The following PLBD2 variants were observed in gnomAD, a reference collection of about 807,000 sequenced individuals.
PLBD2 encodes the protein putative aminopeptidase PLBD2.
A neutral mutation model predicts 68.3 loss-of-function variants in PLBD2; 51 were observed. The ratio of observed to expected loss-of-function variants is 0.75; its 90% confidence interval spans 0.60 to 0.94. The LOEUF (loss-of-function observed/expected upper bound fraction) is 0.94, where lower values mean the gene tolerates loss of function less well. Among genes scored for constraint, PLBD2 ranks in the 40% least tolerant of loss-of-function variants. The pLI, the probability that PLBD2 is intolerant of heterozygous loss-of-function variation, is 0.00. For missense variants in PLBD2, 729 were observed against 792.2 expected (o/e 0.92, Z 0.96); for synonymous variants, 314 against 339.3 (o/e 0.93, Z 0.82).
chr12:113,372,484 G>A lies in PLBD2; in HGVS notation c.385-165G>A, dbSNP rs1957397727. Among the ~76,000 whole-genome samples, 1 of 152,122 alleles carries A rather than the reference G, an allele frequency of 6.6e-6. No individual in the cohort carries two copies. The highest frequency in any genetic ancestry group is 1.5e-5 in the Non-Finnish European group (1 of 68,026). ...CAGGGGCCTGGGGTCCCTATCCGGGGCAGAGCTGGGCAGGGAGAGGAGCCT... is the reference window on the plus strand; with the variant it reads ...CAGGGGCCTGGGGTCCCTATCCGGGACAGAGCTGGGCAGGGAGAGGAGCCT... On this transcript the variant is annotated intron_variant, in intron 2 of 11. Transcript: ENST00000280800. This position sits in a 1 kb window ranked among gnomAD's most constrained non-coding sequence, Gnocchi z 4.2.
At chr12:113,382,873 T>TG (rs1565864050) in intron 6 of PLBD2, among the ~76,000 whole-genome samples, 1 of 135,994 alleles carries the variant, frequency 7.4e-6, no homozygotes, top group Non-Finnish European at 1.6e-5. Context: ...GTGTGTTTTT[T>TG]TTTTTTTTTT....
intron 5 of PLBD2, among the ~76,000 whole-genome samples, chr12:113,379,096 G>T (rs1177293053): frequency 6.6e-6 from 1 of 152,076 alleles, no homozygotes; most frequent in Non-Finnish European, 1.5e-5. Context: ...ATCACTTGAG[G>T]TCAGAGTTCG....
At chr12:113,362,605 A>G (rs948009714) in intron 1 of PLBD2, among the ~76,000 whole-genome samples, 1 of 151,970 alleles carries the variant, frequency 6.6e-6, no homozygotes, top group African/African-American at 2.4e-5. Context: ...GAAAAAAAAA[A>G]AAAGATTGAG....
Position 113,388,618 on chromosome 12 carries a change from T to A in PLBD2, c.1762T>A (p.Trp588Arg), listed in dbSNP as rs1239570976. 3.1e-6 allele frequency: 5 copies of A among 1,588,380 alleles called. No homozygotes were observed. The highest frequency in any genetic ancestry group is 4.3e-6 in the Non-Finnish European group (5 of 1,165,518). The stretch of plus-strand genomic sequence containing the variant: ...GAAGTTCGCGCCTGTCAAGGTTTCA[T>A]GGGACTGAAGTTCTGTCCCTGCTCT... ...LWKFAPVKVS[W>R]D is the part of the protein sequence containing the mutation. Residue 588 changes from tryptophan to arginine, a missense_variant, in exon 12 of 12, where the codon TGG (tryptophan) becomes AGG (arginine). Physicochemically the swap from Trp to Arg is moderately radical, Grantham distance 101 (BLOSUM62 -3). Transcript: ENST00000280800.
rs771568695 is a variant in PLBD2, at chr12:113,388,605, T to G, written c.1749T>G (p.Pro583=). Residue 583 remains proline, a synonymous_variant, in exon 12 of 12, where the codon CCT becomes CCG. Coordinates refer to ENST00000280800, the MANE Select transcript of PLBD2 (RefSeq NM_173542.4). ...MGQPDLWKFA[P]VKVSWD is the part of the protein sequence containing the mutation. ...AGCCAGACCTCTGGAAGTTCGCGCC[T>G]GTCAAGGTTTCATGGGACTGAAGTT... 6.3e-7 allele frequency: 1 copy of G among 1,593,098 alleles called. No homozygotes were observed. Among genetic ancestry groups the G allele is most frequent in the Non-Finnish European group, 8.6e-7 (1 of 1,168,308 alleles).
rs1957532067 is a variant in PLBD2 at position 113,384,703 on chromosome 12, A to G, written c.1119-148A>G. 3 of 644,584 alleles carry G rather than the reference A, an allele frequency of 4.7e-6. No homozygotes were observed. Among genetic ancestry groups the G allele is most frequent in the African/African-American group, 3.6e-5 (2 of 55,768 alleles). 39.9% of individuals were successfully genotyped at this position (644,584 alleles called of 1,614,324 possible). ...GAGAGGGGTTTGTGGATACCTGGTC[A>G]TGCTGCAGCGTCAGGGTGTCAGTTG... is the stretch of plus-strand genomic sequence containing the variant. On this transcript the variant is annotated intron_variant, in intron 7 of 11. Coordinates refer to ENST00000280800, the MANE Select transcript of PLBD2 (RefSeq NM_173542.4). This position sits in a 1 kb window ranked among gnomAD's most constrained non-coding sequence, Gnocchi z 4.2.
intron 5 of PLBD2, among the ~76,000 whole-genome samples, chr12:113,377,266 T>C (rs1957444561): frequency 6.6e-6 from 1 of 152,184 alleles, no homozygotes; most frequent in Admixed American, 6.5e-5. Flanking sequence ...TCGTATACAC[T>C]GTAAGTGTAC....
chr12:113,382,875 T>G lies in PLBD2; in HGVS notation c.958-1230T>G, dbSNP rs868514203. Among the ~76,000 whole-genome samples the G allele has an allele frequency of 9.1e-3, 1,239 of 135,442 alleles. 12 individuals carry two copies. Among genetic ancestry groups the G allele is most frequent in the African/African-American group, 0.031 (1,097 of 35,188 alleles). 88.9% of individuals were successfully genotyped at this position (135,442 alleles called of 152,430 possible). A position where few individuals can be genotyped will look rare whatever the true frequency, so the allele number is the denominator to read the frequency against. Reference sequence around the variant, plus strand: ...TGTGTGTGTGTGTGTGTGTTTTTTTTTTTTTTTTTTTTTTTAGATAGGCTC... The same window carrying G: ...TGTGTGTGTGTGTGTGTGTTTTTTTGTTTTTTTTTTTTTTTAGATAGGCTC... On this transcript the variant is annotated intron_variant, in intron 6 of 11. Transcript: ENST00000280800.
rs1157721458 is a variant in PLBD2 at position 113,384,343 on chromosome 12, G to C, written c.1118+78G>C. 1 of 1,507,842 alleles carries C rather than the reference G, an allele frequency of 6.6e-7. No homozygotes were observed. Among genetic ancestry groups the C allele is most frequent in the Non-Finnish European group, 8.9e-7 (1 of 1,121,018 alleles). The allele number at this position is 1,507,842 out of a possible 1,614,324, so 93.4% of individuals were successfully genotyped here. A position where few individuals can be genotyped will look rare whatever the true frequency, so the allele number is the denominator to read the frequency against. On this transcript the variant is annotated intron_variant, in intron 7 of 11. Coordinates refer to ENST00000280800, the MANE Select transcript of PLBD2 (RefSeq NM_173542.4). The surrounding 1 kb of genome is among the most constrained non-coding windows in gnomAD (Gnocchi z 4.2). ...CTCCCCTTTAACACTCACACTCCTG[G>C]GGACCAGATGTGGCATCCGGGCCAC... is the stretch of plus-strand genomic sequence containing the variant.
chr12:113,361,814 G>A (rs1957299412), intron 1 of PLBD2, among the ~76,000 whole-genome samples: 1 of 152,134 alleles, frequency 6.6e-6, no homozygotes, highest in Non-Finnish European at 1.5e-5. Context: ...ACCTTACTTT[G>A]TCTTCCTTCC....
chr12:113,370,464 TTTC>T (rs1320334642), intron 2 of PLBD2, among the ~76,000 whole-genome samples: 1 of 149,738 alleles, frequency 6.7e-6, no homozygotes, highest in African/African-American at 2.5e-5. Context: ...TAATTTTCTT[TTTC>T]TTTTCTTTTT....
Position 113,380,793 on chromosome 12 carries a change from C to G in PLBD2, c.908C>G (p.Pro303Arg), listed in dbSNP as rs2136918238. 1 of 1,556,882 alleles carries G rather than the reference C, an allele frequency of 6.4e-7. No homozygotes were observed. Among genetic ancestry groups the G allele is most frequent in the South Asian group, 1.2e-5 (1 of 84,398 alleles). ...AACAAGCTGGTCTTCTCCTCCTACC[C>G]CGGCACCATCTTCTCCTGCGACGAC... ...PGNKLVFSSYPGTIFSCDDFY... is the reference protein window; with the variant it reads ...PGNKLVFSSYRGTIFSCDDFY... The change falls in exon 6 of 12, where the codon CCC becomes CGC. Residue 303 changes from proline (P) to arginine (R), a missense_variant. Transcript: ENST00000280800.
intron 5 of PLBD2, among the ~76,000 whole-genome samples, chr12:113,379,553 C>T (rs1331479110): frequency 6.6e-6 from 1 of 152,144 alleles, no homozygotes; most frequent in Non-Finnish European, 1.5e-5. Context: ...GGGTAATGAG[C>T]CTCCAGCATA....
intron 1 of PLBD2, among the ~76,000 whole-genome samples, chr12:113,363,559 G>A (rs1339183945): frequency 1.6e-5 from 2 of 126,384 alleles, no homozygotes; most frequent in African/African-American, 3.0e-5. Context: ...TTTTTTTTGA[G>A]GTGGAGTCTC....
Position 113,372,889 on chromosome 12 carries a change from T to G in PLBD2, c.543+82T>G. 6.6e-7 allele frequency: 1 copy of G among 1,509,028 alleles called. No individual in the cohort carries two copies. Among genetic ancestry groups the G allele is most frequent in the Non-Finnish European group, 8.9e-7 (1 of 1,117,682 alleles). 93.5% of individuals were successfully genotyped at this position (1,509,028 alleles called of 1,614,324 possible). On this transcript the variant is annotated intron_variant, in intron 3 of 11. Transcript: ENST00000280800. The surrounding 1 kb of genome is among the most constrained non-coding windows in gnomAD (Gnocchi z 4.2). ...TCTCCTGTTGTTCTGGCCAGCCTTGTGGCATGTCCAGCTGCCCAGCCGCCT... is the reference window on the plus strand; with the variant it reads ...TCTCCTGTTGTTCTGGCCAGCCTTGGGGCATGTCCAGCTGCCCAGCCGCCT...
chr12:113,388,525 G>T lies in PLBD2; in HGVS notation c.1669G>T (p.Val557Leu). ...LAASGPTWDQ[V>L]PPFQWSTSPF... ...GGCCAGCGGTCCCACGTGGGACCAG[G>T]TGCCCCCGTTCCAGTGGAGCACCTC... The change falls in exon 12 of 12, where the codon GTG becomes TTG. Residue 557 changes from valine (V) to leucine (L), a missense_variant. Transcript: ENST00000280800. The T allele has an allele frequency of 6.2e-7, 1 of 1,610,636 alleles. No homozygotes were observed. The highest frequency in any genetic ancestry group is 8.5e-7 in the Non-Finnish European group (1 of 1,179,112).
At chr12:113,364,084 C>T (rs997279300) in intron 1 of PLBD2, among the ~76,000 whole-genome samples, 1 of 152,168 alleles carries the variant, frequency 6.6e-6, no homozygotes, top group African/African-American at 2.4e-5. Context: ...TCGGGAAGGC[C>T]CGTCTTTTCT....
At position 113,374,492 on chromosome 12, in the gene PLBD2, C is replaced by G; in HGVS notation, c.562C>G (p.Gln188Glu). 6.2e-7 allele frequency: 1 copy of G among 1,601,480 alleles called. No individual in the cohort carries two copies. The highest frequency in any genetic ancestry group is 8.5e-7 in the Non-Finnish European group (1 of 1,174,618). Reference protein sequence around the residue: ...YWHQVRLTLLQLKGLEDSYEG... With the variant: ...YWHQVRLTLLELKGLEDSYEG... Reference sequence around the variant, plus strand: ...CCCCTAGGTGCGGCTGACCCTCCTGCAGCTGAAAGGCCTGGAGGACAGCTA... The same window carrying G: ...CCCCTAGGTGCGGCTGACCCTCCTGGAGCTGAAAGGCCTGGAGGACAGCTA... Residue 188 changes from glutamine to glutamate, a missense_variant, in exon 4 of 12, where the codon CAG (glutamine) becomes GAG (glutamate). By Grantham distance (29) the Gln-to-Glu change is conservative. Transcript: ENST00000280800.
At chr12:113,376,311 G>A (rs776558303) in intron 5 of PLBD2, among the ~76,000 whole-genome samples, 1 of 151,702 alleles carries the variant, frequency 6.6e-6, no homozygotes, top group Non-Finnish European at 1.5e-5. Flanking sequence ...TTATAGGCGC[G>A]CACCACTGTG....
Sources: gnomAD v4.1 joint callset for allele counts (sites outside exome capture counted in the v4.1 genomes callset) on GRCh38, gnomAD v4.1.1 for gene constraint, Gnocchi (gnomAD v3.1) non-coding constraint, MANE v1.5 for transcripts, NCBI Gene and HGNC (gene_info 2026-07-23, HGNC 2026-07-21) for gene names.